The following RPS6KA2 variants were observed in gnomAD, a reference collection of about 807,000 sequenced individuals.
RPS6KA2 encodes ribosomal protein S6 kinase A2.
A neutral mutation model predicts 91.8 loss-of-function variants in RPS6KA2; 42 were observed. That is an observed-to-expected ratio of 0.46 (90% CI 0.36 to 0.59). The LOEUF is 0.59. Among genes scored for constraint, RPS6KA2 ranks in the 20% least tolerant of loss-of-function variants. The pLI, the probability that RPS6KA2 is intolerant of heterozygous loss-of-function variation, is 0.00. For synonymous variants in RPS6KA2, 414 were observed against 393.6 expected, an observed-to-expected ratio of 1.05 and a Z score of -0.61; for missense variants, 798 against 978.5, an observed-to-expected ratio of 0.82 and a Z score of 2.46.
intron 2 of RPS6KA2, among the ~76,000 whole-genome samples, chr6:166,786,764 T>C (rs1030819495): frequency 2.6e-5 from 4 of 152,238 alleles, no homozygotes; most frequent in African/African-American, 9.6e-5. Flanking sequence ...TTTTTAGTAA[T>C]TGTGTAATTT....
intron 10 of RPS6KA2, among the ~76,000 whole-genome samples, chr6:166,476,386 C>G (rs1024295600): frequency 6.6e-6 from 1 of 152,202 alleles, no homozygotes; most frequent in Non-Finnish European, 1.5e-5. Context: ...GAAACTCACA[C>G]AGAGGGGCGG....
chr6:166,804,322 T>A (rs946642853), intron 2 of RPS6KA2, among the ~76,000 whole-genome samples: 1 of 152,190 alleles, frequency 6.6e-6, no homozygotes, highest in East Asian at 1.9e-4. Flanking sequence ...ATGTTAGGTA[T>A]CATATATTTA....
rs182866312 is a variant in RPS6KA2 at position 166,506,955 on chromosome 6, G to A, written c.459+1248C>T. On this transcript the variant is annotated intron_variant, in intron 5 of 20. Transcript: ENST00000265678. ...TCCCATGAAGCGGGGTGCTTTTCAC[G>A]TCAATCAGGGCCACGGGGCTCTCAG... Among the ~76,000 whole-genome samples, 24 of 152,258 alleles carry A rather than the reference G, an allele frequency of 1.6e-4. No individual in the cohort carries two copies. In the East Asian group the frequency reaches 3.3e-3, roughly 21 times the overall value.
intron 2 of RPS6KA2, among the ~76,000 whole-genome samples, chr6:166,748,139 C>G (rs968797103): frequency 6.6e-6 from 1 of 152,138 alleles, no homozygotes; most frequent in Non-Finnish European, 1.5e-5. Context: ...AACTTTAGAA[C>G]CATGCGAAGA....
intron 2 of RPS6KA2, among the ~76,000 whole-genome samples, chr6:166,700,419 T>C (rs1252104292): frequency 6.6e-6 from 1 of 152,196 alleles, no homozygotes; most frequent in Non-Finnish European, 1.5e-5. Context: ...CTATTAGCTG[T>C]TGCTGTTAAA....
At chr6:166,853,237 G>A (rs1005835316) in intron 2 of RPS6KA2, among the ~76,000 whole-genome samples, 3 of 152,268 alleles carry the variant, frequency 2.0e-5, no homozygotes, top group Non-Finnish European at 2.9e-5. Context: ...TCAGGGGCTC[G>A]AGACCAGCCT....
rs146906741 is a variant in RPS6KA2, at chr6:166,781,624, G to A, written c.123+76576C>T. On this transcript the variant is annotated intron_variant, in intron 2 of 21. Transcript: ENST00000503859. ...CTCATGTCCCGTATGCACTCACCCC[G>A]GTCAGGCAGGTGCTTGGTAAACAGG... 2.6e-4 allele frequency among the ~76,000 whole-genome samples: 40 copies of A among 152,284 alleles called. 1 individual carries two copies. Among genetic ancestry groups the A allele is most frequent in the Non-Finnish European group, 4.0e-4 (27 of 68,018 alleles).
rs930184871 is a variant in RPS6KA2 at position 166,737,063 on chromosome 6, G to A, written c.123+121137C>T. Among the ~76,000 whole-genome samples, 2 of 152,174 alleles carry A rather than the reference G, an allele frequency of 1.3e-5. No individual in the cohort carries two copies. Among genetic ancestry groups the A allele is most frequent in the African/African-American group, 2.4e-5 (1 of 41,438 alleles). ...GAGCGGCAAAGCGCATGGAGCCTAC[G>A]CTTTTTTACAGACGCAAAAAGATAG... On this transcript the variant is annotated intron_variant, in intron 2 of 21. Coordinates refer to the RPS6KA2 transcript ENST00000503859. The surrounding 1 kb of genome is among the most constrained non-coding windows in gnomAD (Gnocchi z 4.3).
At chr6:166,833,407 G>A (rs1780236465) in intron 2 of RPS6KA2, among the ~76,000 whole-genome samples, 1 of 152,222 alleles carries the variant, frequency 6.6e-6, no homozygotes, top group Non-Finnish European at 1.5e-5. Context: ...ATTTATTGAA[G>A]TTTAATTTAC....
chr6:166,668,296 C>T (rs1788375099), intron 2 of RPS6KA2, among the ~76,000 whole-genome samples: 1 of 152,156 alleles, frequency 6.6e-6, no homozygotes, highest in Non-Finnish European at 1.5e-5. Flanking sequence ...TGTGTGGGGC[C>T]CTTGGCACCT....
At chr6:166,822,283 A>G (rs1361964335) in intron 2 of RPS6KA2, among the ~76,000 whole-genome samples, 2 of 152,208 alleles carry the variant, frequency 1.3e-5, no homozygotes, top group African/African-American at 2.4e-5. Context: ...AAGGCCTTCT[A>G]AGAGGTAAAT....
At chr6:166,776,517 C>T (rs975495758) in intron 2 of RPS6KA2, among the ~76,000 whole-genome samples, 1 of 152,160 alleles carries the variant, frequency 6.6e-6, no homozygotes, top group African/African-American at 2.4e-5. Context: ...GACGTGTCAC[C>T]AGGTAATTCC....
Position 166,458,379 on chromosome 6 carries a change from A to C in RPS6KA2, c.1075+1070T>G, listed in dbSNP as rs150188937. On this transcript the variant is annotated intron_variant, in intron 12 of 20. Transcript: ENST00000265678. ...CTCTCTCTTTGTTGCCATCCACGTA[A>C]GATGGGGCTTGCTTCTACTTGCCTT... Among the ~76,000 whole-genome samples the C allele has an allele frequency of 4.3e-3, 659 of 152,320 alleles. 5 individuals are homozygous for C. Among genetic ancestry groups the C allele is most frequent in the African/African-American group, 0.014 (596 of 41,558 alleles).
chr6:166,460,049 C>A (rs1292048422), intron 11 of RPS6KA2, among the ~76,000 whole-genome samples: 3 of 152,236 alleles, frequency 2.0e-5, no homozygotes, highest in Non-Finnish European at 2.9e-5. Flanking sequence ...CCCAGAGCCA[C>A]CCCAGGGTGC....
chr6:166,830,415 G>C, intron 2 of RPS6KA2, among the ~76,000 whole-genome samples: 1 of 152,178 alleles, frequency 6.6e-6, no homozygotes, highest in East Asian at 1.9e-4. Flanking sequence ...TGCAAAATGA[G>C]AAGTATTCTG....
chr6:166,466,469 ACT>A (rs771508180), intron 11 of RPS6KA2, among the ~76,000 whole-genome samples: 18 of 152,226 alleles, frequency 1.2e-4, no homozygotes, highest in Non-Finnish European at 2.6e-4. Flanking sequence ...TCTGTGTTGC[ACT>A]GTGTCACCTG....
intron 2 of RPS6KA2, among the ~76,000 whole-genome samples, chr6:166,715,872 T>C (rs1583044610): frequency 6.6e-6 from 1 of 151,852 alleles, no homozygotes; most frequent in East Asian, 1.9e-4. Context: ...ACCCCGTCTC[T>C]ACTAAAAATA....
chr6:166,692,214 G>C (rs1279825557), intron 2 of RPS6KA2, among the ~76,000 whole-genome samples: 2 of 152,070 alleles, frequency 1.3e-5, no homozygotes, highest in Non-Finnish European at 2.9e-5. Flanking sequence ...AGAGTAAAAG[G>C]GATAAAGTGA....
At chr6:166,761,399 T>C (rs1022143890) in intron 2 of RPS6KA2, among the ~76,000 whole-genome samples, 9 of 152,248 alleles carry the variant, frequency 5.9e-5, no homozygotes, top group African/African-American at 1.9e-4. Flanking sequence ...CTTACTCATC[T>C]ACCAAATACA....
Sources: gnomAD v4.1 joint callset for allele counts (sites outside exome capture counted in the v4.1 genomes callset) on GRCh38, gnomAD v4.1.1 for gene constraint, Gnocchi (gnomAD v3.1) non-coding constraint, MANE v1.5 for transcripts, NCBI Gene and HGNC (gene_info 2026-07-23, HGNC 2026-07-21) for gene names.